The following PDZD2 variants were observed in gnomAD, a reference collection of about 807,000 sequenced individuals.
The protein encoded by PDZD2 is PDZ domain containing 2, also known as PDZ domain-containing protein 2.
PDZD2 carries 90 observed loss-of-function variants against 220.7 expected under a neutral mutation model. The observed-to-expected ratio is 0.41, with a 90% CI of 0.34 to 0.49. The LOEUF (loss-of-function observed/expected upper bound fraction) is 0.49. Among genes scored for constraint, PDZD2 ranks in the 20% least tolerant of loss-of-function variants. The probability of loss-of-function intolerance (pLI) is 0.28; values close to 1 mark genes in which losing one functional copy is unlikely to be tolerated. For missense variants in PDZD2, 3,174 were observed against 3,608.5 expected (o/e 0.88, Z 3.08); for synonymous variants, 1,375 against 1,450.5 (o/e 0.95, Z 1.18).
intron 2 of PDZD2, among the ~76,000 whole-genome samples, chr5:31,919,536 A>G (rs761837806): frequency 2.0e-5 from 3 of 151,940 alleles, no homozygotes; most frequent in Non-Finnish European, 4.4e-5. Context: ...TGGTAGAGAC[A>G]GGGTTTCACC....
In PDZD2 at chr5:32,087,148, G is replaced by A. The variant is rs1742548958; in HGVS notation, c.3700G>A (p.Asp1234Asn). Residue 1234 changes from aspartate (D) to asparagine (N), a missense_variant, in exon 20 of 25, where the codon GAC (aspartate) becomes AAC (asparagine). Coordinates refer to ENST00000438447, the MANE Select transcript of PDZD2 (RefSeq NM_178140.4). This position sits in a 1 kb window ranked among gnomAD's most constrained non-coding sequence, Gnocchi z 4.0. ...CCACGTAGAACTGGACAGCTCCTCA[G>A]ACCTCATCTCTTCCCCAGGGAAGAA... is the stretch of plus-strand genomic sequence containing the variant. ...QPMTELDSSS[D>N]LISSPGKKGA... 1.2e-6 allele frequency: 2 copies of A among 1,610,610 alleles called. No individual in the cohort carries two copies. The highest frequency in any genetic ancestry group is 1.7e-6 in the Non-Finnish European group (2 of 1,177,110).
At chr5:32,048,749 A>T (rs971012592) in intron 8 of PDZD2, 65 bp downstream of exon 8, 5 of 1,531,920 alleles carry the variant, frequency 3.3e-6, no homozygotes, top group Non-Finnish European at 4.5e-6. Context: ...AGAACTGCCC[A>T]TCCATACAGG....
intron 6 of PDZD2, among the ~76,000 whole-genome samples, chr5:32,035,200 TAAAAG>T (rs1266838781): frequency 1.3e-5 from 2 of 152,200 alleles, no homozygotes; most frequent in Non-Finnish European, 2.9e-5. Flanking sequence ...AATTATTTCT[TAAAAG>T]AGATTACCTA....
intron 1 of PDZD2, among the ~76,000 whole-genome samples, chr5:31,781,456 T>C (rs1753059110): frequency 6.6e-6 from 1 of 152,088 alleles, no homozygotes; most frequent in Non-Finnish European, 1.5e-5. Flanking sequence ...AGGCTTCTGT[T>C]AGGGGGTAAA....
chr5:31,885,854 G>A (rs1740412022), intron 2 of PDZD2, among the ~76,000 whole-genome samples: 1 of 152,026 alleles, frequency 6.6e-6, no homozygotes, highest in Non-Finnish European at 1.5e-5. Flanking sequence ...TTAGGGAGGA[G>A]ATTAAGCATT....
Position 31,937,016 on chromosome 5 carries a change from T to C in PDZD2, c.477-46139T>C, listed in dbSNP as rs559688861. On this transcript the variant is annotated intron_variant, in intron 2 of 24. Coordinates refer to ENST00000438447, the MANE Select transcript of PDZD2 (RefSeq NM_178140.4). ...CACAGTGACGTTTCACACTCAGAAG[T>C]AGAAAATAAATGGGGAGGACCATGG... 5.9e-5 allele frequency among the ~76,000 whole-genome samples: 9 copies of C among 151,620 alleles called. No individual in the cohort carries two copies. The East Asian group carries it at 1.7e-3, about 29-fold the overall frequency.
intron 1 of PDZD2, among the ~76,000 whole-genome samples, chr5:31,756,092 G>A (rs1333419188): frequency 6.6e-6 from 1 of 152,142 alleles, no homozygotes; most frequent in African/African-American, 2.4e-5. Flanking sequence ...TGGGACACCC[G>A]AAAGGTCAGT....
intron 2 of PDZD2, among the ~76,000 whole-genome samples, chr5:31,982,928 G>C (rs142767159): frequency 6.6e-6 from 1 of 152,166 alleles, no homozygotes; most frequent in African/African-American, 2.4e-5. Flanking sequence ...GTCATTTCTA[G>C]TTCATGGGGT....
chr5:31,700,662 G>A (rs997626366), intron 1 of PDZD2, among the ~76,000 whole-genome samples: 2 of 152,190 alleles, frequency 1.3e-5, no homozygotes, highest in Non-Finnish European at 2.9e-5. Flanking sequence ...AAAATGTTAA[G>A]CTGTTTGATA....
At chr5:31,807,763 T>C (rs900709724) in intron 2 of PDZD2, among the ~76,000 whole-genome samples, 1 of 151,714 alleles carries the variant, frequency 6.6e-6, no homozygotes, top group Admixed American at 6.6e-5. Context: ...GAGAAGTCTG[T>C]GTGGTCCTAG....
At chr5:31,968,905 C>T (rs918570950) in intron 2 of PDZD2, among the ~76,000 whole-genome samples, 9 of 152,142 alleles carry the variant, frequency 5.9e-5, no homozygotes, top group Non-Finnish European at 1.2e-4. Flanking sequence ...AAAACGAAAA[C>T]ATGTCATATA....
intron 1 of PDZD2, among the ~76,000 whole-genome samples, chr5:31,762,431 G>A (rs1751705861): frequency 6.6e-6 from 1 of 152,190 alleles, no homozygotes; most frequent in Non-Finnish European, 1.5e-5. Context: ...GGGATTACAG[G>A]CATGAGCCAC....
Position 32,010,835 on chromosome 5 carries a change from A to C in PDZD2, c.1407+353A>C, listed in dbSNP as rs1753243974. ...ACATGATGAAACCTAGTCTCTACTAAAAATACAAAAATTAGCCAGGCATGG... is the reference window on the plus strand; with the variant it reads ...ACATGATGAAACCTAGTCTCTACTACAAATACAAAAATTAGCCAGGCATGG... On this transcript the variant is annotated intron_variant, in intron 6 of 24. Transcript: ENST00000438447. Among the ~76,000 whole-genome samples the C allele has an allele frequency of 2.0e-5, 3 of 151,746 alleles. 1 individual carries two copies. The South Asian group carries it at 6.3e-4, about 32-fold the overall frequency.
chr5:31,760,285 A>G (rs941283598), intron 1 of PDZD2, among the ~76,000 whole-genome samples: 1 of 152,208 alleles, frequency 6.6e-6, no homozygotes, highest in Admixed American at 6.5e-5. Flanking sequence ...ACAACAATGA[A>G]CCAAACATAG....
At chr5:31,814,602 C>T (rs1755316149) in intron 2 of PDZD2, among the ~76,000 whole-genome samples, 1 of 152,140 alleles carries the variant, frequency 6.6e-6, no homozygotes, top group Non-Finnish European at 1.5e-5. Context: ...GCAGGTGGAT[C>T]ACCTGAGGTC....
chr5:31,948,660 A>G (rs116356974), intron 2 of PDZD2, among the ~76,000 whole-genome samples: 12 of 152,332 alleles, frequency 7.9e-5, no homozygotes, highest in Admixed American at 2.6e-4. Flanking sequence ...GAGAAATTCT[A>G]ATAAAAGGAG....
chr5:31,921,072 C>T (rs1744210276), intron 2 of PDZD2, among the ~76,000 whole-genome samples: 1 of 152,204 alleles, frequency 6.6e-6, no homozygotes, highest in Non-Finnish European at 1.5e-5. Flanking sequence ...CTGCTGTAAA[C>T]ATCTGTGTGC....
intron 1 of PDZD2, among the ~76,000 whole-genome samples, chr5:31,746,106 G>C (rs1174970153): frequency 6.6e-6 from 1 of 152,146 alleles, no homozygotes; most frequent in African/African-American, 2.4e-5. Context: ...ACTGTTGGTT[G>C]GATTCTGGGC....
chr5:31,962,446 C>T (rs918160102), intron 2 of PDZD2, among the ~76,000 whole-genome samples: 12 of 151,618 alleles, frequency 7.9e-5, no homozygotes, highest in African/African-American at 2.2e-4. Context: ...TCTCAGAGGG[C>T]GGCAACGAGT....
Sources: allele counts gnomAD v4.1 joint callset (sites outside exome capture counted in the v4.1 genomes callset), GRCh38; gene constraint gnomAD v4.1.1; non-coding constraint Gnocchi (gnomAD v3.1); transcripts MANE v1.5; gene names NCBI Gene and HGNC (gene_info 2026-07-23, HGNC 2026-07-21).